KSR2: variants seen among roughly 807,000 people sequenced by gnomAD.
KSR2 encodes kinase suppressor of ras 2.
KSR2 carries 25 observed loss-of-function variants against 107.8 expected under a neutral mutation model. The observed-to-expected ratio is 0.23, with a 90% CI of 0.17 to 0.32. KSR2 has a LOEUF of 0.32. Ranked by LOEUF, KSR2 falls within the 10% of genes least tolerant of loss-of-function variation. The pLI is 1.00. For missense variants in KSR2, 887 were observed against 1,268.9 expected, an observed-to-expected ratio of 0.70 and a Z score of 4.57; for synonymous variants, 480 against 507.0, an observed-to-expected ratio of 0.95 and a Z score of 0.71.
intron 5 of KSR2, among the ~76,000 whole-genome samples, chr12:117,603,600 C>T (rs1881074861): frequency 1.3e-5 from 2 of 152,204 alleles, no homozygotes; most frequent in South Asian, 2.1e-4. Flanking sequence ...AGCCACACCA[C>T]CCCAGCAATG....
intron 3 of KSR2, among the ~76,000 whole-genome samples, chr12:117,831,227 T>C (rs1308299132): frequency 6.6e-6 from 1 of 152,258 alleles, no homozygotes; most frequent in East Asian, 1.9e-4. Context: ...TTTTTAGCTC[T>C]TTCTTTTTCC....
At chr12:117,575,496 A>G (rs1447688760) in intron 7 of KSR2, among the ~76,000 whole-genome samples, 1 of 152,232 alleles carries the variant, frequency 6.6e-6, no homozygotes, top group African/African-American at 2.4e-5. Context: ...CTATCAGCTC[A>G]TAAGTGCATC....
chr12:117,714,604 G>T (rs1886908881), intron 4 of KSR2, among the ~76,000 whole-genome samples: 1 of 152,192 alleles, frequency 6.6e-6, no homozygotes, highest in East Asian at 1.9e-4. Context: ...AGGTCACACA[G>T]CTAGCAGCAC....
At chr12:117,910,303 C>T (rs1296025234) in intron 1 of KSR2, among the ~76,000 whole-genome samples, 1 of 152,138 alleles carries the variant, frequency 6.6e-6, no homozygotes, top group African/African-American at 2.4e-5. Flanking sequence ...TAACGACTTC[C>T]TAATGCTTGC....
intron 9 of KSR2, among the ~76,000 whole-genome samples, chr12:117,553,991 C>T (rs560092925): frequency 6.6e-6 from 1 of 152,282 alleles, no homozygotes; most frequent in East Asian, 1.9e-4. Context: ...CTTGTACGGC[C>T]TGCAGAACTG....
chr12:117,866,956 T>C (rs1298886902), intron 1 of KSR2, among the ~76,000 whole-genome samples: 2 of 152,160 alleles, frequency 1.3e-5, no homozygotes, highest in Non-Finnish European at 1.5e-5. Context: ...TCTGACTCCT[T>C]AAACTATTAC....
At chr12:117,695,856 G>A (rs963933094) in intron 4 of KSR2, among the ~76,000 whole-genome samples, 2 of 152,154 alleles carry the variant, frequency 1.3e-5, no homozygotes, top group East Asian at 1.9e-4. Flanking sequence ...CGGAAAGGTC[G>A]CCGCTCTTCT....
chr12:117,757,614 G>A (rs1159428677), intron 4 of KSR2, among the ~76,000 whole-genome samples: 1 of 152,200 alleles, frequency 6.6e-6, no homozygotes, highest in African/African-American at 2.4e-5. Context: ...GTCACAATCA[G>A]CCCAACTTTC....
chr12:117,812,546 T>C (rs372916501), intron 3 of KSR2, among the ~76,000 whole-genome samples: 2 of 152,108 alleles, frequency 1.3e-5, no homozygotes, highest in Non-Finnish European at 2.9e-5. Flanking sequence ...GAATTTCAGA[T>C]AGTAAATGGT....
chr12:117,619,822 C>G (rs1050549979), intron 5 of KSR2, among the ~76,000 whole-genome samples: 1 of 151,574 alleles, frequency 6.6e-6, no homozygotes, highest in African/African-American at 2.4e-5. Context: ...ATATAAAATT[C>G]ACTCATTTTA....
chr12:117,537,585 T>C (rs1876142043), intron 10 of KSR2, among the ~76,000 whole-genome samples: 1 of 152,182 alleles, frequency 6.6e-6, no homozygotes, highest in African/African-American at 2.4e-5. Flanking sequence ...AGAGGCGAGT[T>C]ATTTGTCCAG....
At chr12:117,802,708 C>G (rs2137025573) in intron 3 of KSR2, among the ~76,000 whole-genome samples, 1 of 152,330 alleles carries the variant, frequency 6.6e-6, no homozygotes, top group African/African-American at 2.4e-5. Context: ...CCAACCCTTT[C>G]TTTCCCCACC....
At chr12:117,936,518 TTATTATTATTATTATTAGTAG>T (rs1467716643) in intron 1 of KSR2, among the ~76,000 whole-genome samples, 17 of 39,724 alleles carry the variant, frequency 4.3e-4, no homozygotes, top group African/African-American at 8.8e-4. Flanking sequence ...TATTTTATTA[TTATTATTATTATTATTAGTAG>T]TAGTAGTAGT....
intron 5 of KSR2, among the ~76,000 whole-genome samples, chr12:117,606,351 C>T (rs1365551532): frequency 3.4e-5 from 3 of 88,680 alleles, no homozygotes; most frequent in African/African-American, 1.3e-4. Context: ...CTTCCTTCCT[C>T]CCTCCCTCCC....
intron 7 of KSR2, among the ~76,000 whole-genome samples, chr12:117,574,892 GAAA>G (rs35204005): frequency 4.6e-4 from 53 of 115,280 alleles, no homozygotes; most frequent in African/African-American, 1.4e-3. Flanking sequence ...TGCTCTGGGT[GAAA>G]AAAAAAAAAA....
intron 4 of KSR2, among the ~76,000 whole-genome samples, chr12:117,677,704 T>C (rs980839729): frequency 1.3e-5 from 2 of 152,180 alleles, no homozygotes; most frequent in Non-Finnish European, 2.9e-5. Flanking sequence ...TTTATGAGAT[T>C]CTTATTCTAG....
Position 117,454,169 on chromosome 12 carries a change from A to AT in KSR2, c.*13029dup, listed in dbSNP as rs1870479852. The AT allele has an allele frequency of 1.3e-5, 2 of 152,214 alleles. No homozygotes were observed. The highest frequency in any genetic ancestry group is 2.4e-5 in the African/African-American group (1 of 41,462). The allele number at this position is 152,214 out of a possible 1,614,324, so 9.4% of individuals were successfully genotyped here. A position where few individuals can be genotyped will look rare whatever the true frequency, so the allele number is the denominator to read the frequency against. ...ATGAAGCACCTACTGTGTGCCAGGT[A>AT]TTGCGTAACGTTATTGACATTCATT... On this transcript the variant is annotated 3_prime_UTR_variant, in exon 20 of 20. Transcript: ENST00000339824.
At chr12:117,507,153 A>G (rs1873746401) in intron 14 of KSR2, among the ~76,000 whole-genome samples, 1 of 152,206 alleles carries the variant, frequency 6.6e-6, no homozygotes, top group Non-Finnish European at 1.5e-5. Context: ...TACATGGTTT[A>G]ATCTACTGCC....
At chr12:117,759,171 G>C (rs1888907226) in intron 4 of KSR2, among the ~76,000 whole-genome samples, 1 of 152,180 alleles carries the variant, frequency 6.6e-6, no homozygotes, top group African/African-American at 2.4e-5. Flanking sequence ...TCACTGTAGG[G>C]CATTCCCAAT....
Sources: allele counts gnomAD v4.1 joint callset (sites outside exome capture counted in the v4.1 genomes callset), GRCh38; gene constraint gnomAD v4.1.1; transcripts MANE v1.5; gene names NCBI Gene and HGNC (gene_info 2026-07-23, HGNC 2026-07-21).